The following THRB variants were observed in gnomAD, a reference collection of about 807,000 sequenced individuals.
The protein encoded by THRB is thyroid hormone receptor beta, also known as nuclear receptor subfamily 1 group A member 2.
In THRB, 12 loss-of-function variants were observed where a neutral mutation model predicts 47.8. The ratio of observed to expected loss-of-function variants is 0.25; its 90% CI spans 0.16 to 0.41. The LOEUF (loss-of-function observed/expected upper bound fraction) is 0.41. Ranked by LOEUF, THRB falls within the 10% of genes least tolerant of loss-of-function variation. THRB has a pLI of 1.00. For missense variants in THRB, 348 were observed against 589.2 expected (o/e 0.59, Z 4.24); for synonymous variants, 218 against 212.2 (o/e 1.03, Z -0.24).
intron 1 of THRB, among the ~76,000 whole-genome samples, chr3:24,341,393 GC>G (rs1345336135): frequency 1.3e-5 from 2 of 151,810 alleles, no homozygotes; most frequent in African/African-American, 4.8e-5. Flanking sequence ...ACCACACTCA[GC>G]TAATTTTTAT....
chr3:24,317,675 T>C (rs1304236629), intron 2 of THRB, among the ~76,000 whole-genome samples: 3 of 152,178 alleles, frequency 2.0e-5, no homozygotes, highest in African/African-American at 7.2e-5. Context: ...ACAATTCAAT[T>C]CTTAGACTAC....
chr3:24,441,645 G>C (rs146386424), intron 1 of THRB, among the ~76,000 whole-genome samples: 1 of 151,720 alleles, frequency 6.6e-6, no homozygotes, highest in Non-Finnish European at 1.5e-5. Flanking sequence ...ATATACAGTT[G>C]ATTCTGTTTA....
chr3:24,254,009 G>A (rs927379850), intron 3 of THRB, among the ~76,000 whole-genome samples: 1 of 148,008 alleles, frequency 6.8e-6, no homozygotes, highest in Non-Finnish European at 1.5e-5. Flanking sequence ...CTGAAATCTT[G>A]TTTGGACCCT....
chr3:24,120,537 G>C lies in THRB; in HGVS notation c.*2347C>G, dbSNP rs558492958. The C allele has an allele frequency of 6.2e-4, 95 of 152,392 alleles. 1 individual carries two copies. The highest frequency in any genetic ancestry group is 2.2e-3 in the African/African-American group (93 of 41,580). 9.4% of individuals were successfully genotyped at this position (152,392 alleles called of 1,614,324 possible). On this transcript the variant is annotated 3_prime_UTR_variant, in exon 11 of 11. Transcript: ENST00000646209. ...TTCCCCAGAAGGCCTGACGCTGCAG[G>C]ACCCTGCCTGCTTGCCTTCCTCTCA...
chr3:24,392,097 A>G, intron 1 of THRB, among the ~76,000 whole-genome samples: 1 of 152,128 alleles, frequency 6.6e-6, no homozygotes, highest in South Asian at 2.1e-4. Flanking sequence ...ATTGAATCTT[A>G]CAACTACACA....
At chr3:24,377,519 T>C (rs566728298) in intron 1 of THRB, among the ~76,000 whole-genome samples, 11 of 152,278 alleles carry the variant, frequency 7.2e-5, no homozygotes, top group African/African-American at 2.6e-4. Flanking sequence ...GTGGCTGTGG[T>C]GATTTCATTT....
intron 3 of THRB, among the ~76,000 whole-genome samples, chr3:24,272,302 C>T (rs192594486): frequency 6.6e-6 from 1 of 152,004 alleles, no homozygotes; most frequent in East Asian, 1.9e-4. Context: ...GTAGTGATCG[C>T]ACCACTGCAC....
chr3:24,136,333 A>AT (rs1244356557), intron 8 of THRB, among the ~76,000 whole-genome samples: 5 of 152,124 alleles, frequency 3.3e-5, no homozygotes, highest in Non-Finnish European at 7.4e-5. Flanking sequence ...TATCATTAAG[A>AT]TTTTTTTCCA....
chr3:24,340,249 G>A (rs1240422388), intron 1 of THRB, among the ~76,000 whole-genome samples: 3 of 152,160 alleles, frequency 2.0e-5, no homozygotes, highest in Non-Finnish European at 4.4e-5. Flanking sequence ...TTGTTGCAAA[G>A]CATTTAAAGG....
At chr3:24,251,819 C>CA (rs762065636) in intron 3 of THRB, among the ~76,000 whole-genome samples, 27 of 151,974 alleles carry the variant, frequency 1.8e-4, no homozygotes, top group Admixed American at 3.9e-4. Context: ...TTTTGTAAAT[C>CA]AGCATAATTC....
chr3:24,201,457 G>A (rs1575816015), intron 4 of THRB, among the ~76,000 whole-genome samples: 1 of 152,292 alleles, frequency 6.6e-6, no homozygotes, highest in East Asian at 1.9e-4. Flanking sequence ...TCTGCCTCCA[G>A]AACAGGTGAA....
intron 4 of THRB, among the ~76,000 whole-genome samples, chr3:24,196,459 A>G (rs6797693): frequency 0.47 from 71,201 of 152,096 alleles, 18,738 homozygotes; most frequent in African/African-American, 0.73. Flanking sequence ...AAAAGGTCTT[A>G]GAACAGTGTC....
chr3:24,165,544 A>T, intron 5 of THRB: 1 of 559,218 alleles, frequency 1.8e-6, no homozygotes, highest in Non-Finnish European at 3.2e-6. Flanking sequence ...TTGTAATAGC[A>T]CCTGATGTGC....
At chr3:24,317,401 G>A (rs983294266) in intron 2 of THRB, among the ~76,000 whole-genome samples, 2 of 152,140 alleles carry the variant, frequency 1.3e-5, no homozygotes, top group African/African-American at 2.4e-5. Flanking sequence ...CCTCTGTTGT[G>A]CTCACGGCAG....
At position 24,333,543 on chromosome 3, in the gene THRB, T is replaced by G. The variant is rs552656147; in HGVS notation, c.-189+3757A>C. ...AACTCTTACATTGTGTAATTTCATG[T>G]CTGCTCTCATGCACATTAAACTAAA... On this transcript the variant is annotated intron_variant, in intron 2 of 10. Transcript: ENST00000646209. Among the ~76,000 whole-genome samples, 47 of 152,384 alleles carry G rather than the reference T, an allele frequency of 3.1e-4. No homozygotes were observed. In the South Asian group the frequency reaches 7.0e-3, roughly 23 times the overall value.
chr3:24,216,682 T>G (rs1478896229), intron 4 of THRB, among the ~76,000 whole-genome samples: 2 of 152,208 alleles, frequency 1.3e-5, no homozygotes, highest in Non-Finnish European at 2.9e-5. Flanking sequence ...AGGCAAGAAC[T>G]CTTGCTCAGT....
At chr3:24,308,507 C>G (rs1159457787) in intron 2 of THRB, among the ~76,000 whole-genome samples, 1 of 152,114 alleles carries the variant, frequency 6.6e-6, no homozygotes, top group Non-Finnish European at 1.5e-5. Flanking sequence ...AGAAATCATT[C>G]TGGAATGAAT....
chr3:24,238,829 A>C (rs1240036321), intron 3 of THRB, among the ~76,000 whole-genome samples: 1 of 152,168 alleles, frequency 6.6e-6, no homozygotes, highest in African/African-American at 2.4e-5. Context: ...TAATAAATAT[A>C]ACTGTTTACT....
intron 10 of THRB, among the ~76,000 whole-genome samples, chr3:24,126,966 G>A (rs1055144274): frequency 4.6e-5 from 7 of 152,222 alleles, no homozygotes; most frequent in African/African-American, 1.7e-4. Context: ...AGGCCGCATA[G>A]AGGGAGGCCT....
Sources: gnomAD v4.1 joint callset for allele counts (sites outside exome capture counted in the v4.1 genomes callset) on GRCh38, gnomAD v4.1.1 for gene constraint, MANE v1.5 for transcripts, NCBI Gene and HGNC (gene_info 2026-07-23, HGNC 2026-07-21) for gene names.